SORCS1: variants seen among roughly 807,000 people sequenced by gnomAD.
SORCS1 encodes the protein sortilin related VPS10 domain containing receptor 1.
SORCS1 carries 60 observed loss-of-function variants against 146.1 expected under a neutral mutation model. The observed-to-expected ratio is 0.41, with a 90% CI of 0.33 to 0.51. SORCS1 has a LOEUF of 0.51. SORCS1 is among the 20% of genes least tolerant of loss of function. SORCS1 has a pLI of 0.21. For missense variants in SORCS1, 1,352 were observed against 1,487.6 expected, an observed-to-expected ratio of 0.91 and a Z score of 1.50; for synonymous variants, 637 against 584.0, an observed-to-expected ratio of 1.09 and a Z score of -1.31.
intron 2 of SORCS1, among the ~76,000 whole-genome samples, chr10:106,835,174 G>A (rs2418829): frequency 0.017 from 2,556 of 151,914 alleles, 67 homozygotes; most frequent in African/African-American, 0.057. Flanking sequence ...CTCCTATCAC[G>A]CTTGAAAAAA....
intron 2 of SORCS1, among the ~76,000 whole-genome samples, chr10:106,869,262 A>G (rs994049641): frequency 1.3e-5 from 2 of 152,234 alleles, no homozygotes; most frequent in Admixed American, 6.5e-5. Context: ...TACCAGATAT[A>G]CAAGTAAGAG....
intron 19 of SORCS1, among the ~76,000 whole-genome samples, chr10:106,625,077 T>C (rs886218182): frequency 1.3e-5 from 2 of 152,196 alleles, no homozygotes; most frequent in African/African-American, 2.4e-5. Context: ...TGAATCTTCC[T>C]GGAAAGGTGG....
intron 1 of SORCS1, among the ~76,000 whole-genome samples, chr10:107,006,249 A>G (rs1368153431): frequency 2.0e-5 from 3 of 152,186 alleles, no homozygotes; most frequent in East Asian, 3.8e-4. Context: ...CTCTTAACCT[A>G]TATCCTTGTG....
chr10:106,992,681 G>C (rs1391327328), intron 1 of SORCS1, among the ~76,000 whole-genome samples: 2 of 151,782 alleles, frequency 1.3e-5, no homozygotes, highest in Non-Finnish European at 2.9e-5. Context: ...AAAAGTTGTA[G>C]AGATGGGATC....
chr10:106,705,811 GC>G (rs1854476507), intron 8 of SORCS1, among the ~76,000 whole-genome samples: 2 of 152,176 alleles, frequency 1.3e-5, no homozygotes. Context: ...TGGAAAGACA[GC>G]CTGGGGATGT....
At chr10:107,102,197 C>T (rs1356703659) in intron 1 of SORCS1, among the ~76,000 whole-genome samples, 2 of 152,090 alleles carry the variant, frequency 1.3e-5, no homozygotes, top group Non-Finnish European at 2.9e-5. Flanking sequence ...ATTTTAAGGA[C>T]TTGTCATTAT....
intron 1 of SORCS1, among the ~76,000 whole-genome samples, chr10:107,152,436 T>C (rs1371587919): frequency 6.6e-6 from 1 of 152,042 alleles, no homozygotes; most frequent in East Asian, 1.9e-4. Context: ...ACCGACAACT[T>C]GTTCCATGCA....
intron 2 of SORCS1, among the ~76,000 whole-genome samples, chr10:106,858,491 G>A (rs1332705120): frequency 6.6e-6 from 1 of 151,206 alleles, no homozygotes; most frequent in East Asian, 2.0e-4. Context: ...GTGGTGGCAG[G>A]CACCTGTAGT....
intron 1 of SORCS1, among the ~76,000 whole-genome samples, chr10:107,003,394 T>G (rs1290718694): frequency 6.6e-6 from 1 of 151,916 alleles, no homozygotes; most frequent in Non-Finnish European, 1.5e-5. Flanking sequence ...AGTATGCATG[T>G]GTTGTGTGTA....
intron 1 of SORCS1, among the ~76,000 whole-genome samples, chr10:107,025,562 C>T (rs927773722): frequency 6.6e-6 from 1 of 152,110 alleles, no homozygotes; most frequent in Non-Finnish European, 1.5e-5. Context: ...GAAGATGAAG[C>T]AAATCAGATA....
intron 24 of SORCS1, among the ~76,000 whole-genome samples, chr10:106,581,213 C>T (rs575371378): frequency 1.3e-5 from 2 of 152,082 alleles, no homozygotes; most frequent in South Asian, 2.1e-4. Flanking sequence ...GACTATGATC[C>T]CCATTAAACA....
chr10:106,966,990 TAAAAC>T (rs761399307), intron 1 of SORCS1, among the ~76,000 whole-genome samples: 1 of 152,224 alleles, frequency 6.6e-6, no homozygotes, highest in Non-Finnish European at 1.5e-5. Context: ...ATTCAGTAAA[TAAAAC>T]TAAACTTGTC....
chr10:106,832,211 C>T lies in SORCS1; in HGVS notation c.627-2538G>A, dbSNP rs541959797. 2.1e-3 allele frequency among the ~76,000 whole-genome samples: 270 copies of T among 131,510 alleles called. 2 individuals are homozygous for T. Among genetic ancestry groups the T allele is most frequent in the East Asian group, 0.012 (48 of 4,024 alleles). The allele number at this position is 131,510 out of a possible 152,430, so 86.3% of individuals were successfully genotyped here. A position where few individuals can be genotyped will look rare whatever the true frequency, so the allele number is the denominator to read the frequency against. On this transcript the variant is annotated intron_variant, in intron 2 of 25. Transcript: ENST00000263054. ...TTTTTTTTTTTTTTCTTTTTTGAGA[C>T]GGAGTCTCACTCTGTCACCCAGGCT...
chr10:106,908,754 T>C (rs1051922378), intron 2 of SORCS1, among the ~76,000 whole-genome samples: 2 of 152,150 alleles, frequency 1.3e-5, no homozygotes, highest in Non-Finnish European at 2.9e-5. Context: ...GAAACTACCC[T>C]ACGTGAGCAG....
intron 1 of SORCS1, among the ~76,000 whole-genome samples, chr10:107,114,488 A>G (rs1277725145): frequency 1.3e-5 from 2 of 152,194 alleles, no homozygotes; most frequent in East Asian, 3.8e-4. Flanking sequence ...GCACTACTTT[A>G]AAAGAACAAA....
upstream of SORCS1, among the ~76,000 whole-genome samples, chr10:107,168,201 C>A (rs1970094318): frequency 6.6e-6 from 1 of 152,148 alleles, no homozygotes; most frequent in African/African-American, 2.4e-5. Context: ...TTCCGCCTGC[C>A]TAGAACGTCC....
chr10:107,079,045 G>A (rs1963116255), intron 1 of SORCS1, among the ~76,000 whole-genome samples: 1 of 152,146 alleles, frequency 6.6e-6, no homozygotes, highest in Admixed American at 6.5e-5. Flanking sequence ...CTAACGTGGT[G>A]AAACCACGTC....
At chr10:107,157,494 T>C (rs911444284) in intron 1 of SORCS1, among the ~76,000 whole-genome samples, 4 of 152,194 alleles carry the variant, frequency 2.6e-5, no homozygotes, top group Non-Finnish European at 1.5e-5. Flanking sequence ...GTAATGGAAG[T>C]AATGTGTCGA....
In SORCS1 at chr10:106,772,822, C is replaced by T. The variant is rs183538322; in HGVS notation, c.885+3712G>A. Among the ~76,000 whole-genome samples, 19 of 152,164 alleles carry T rather than the reference C, an allele frequency of 1.2e-4. No individual in the cohort carries two copies. In the East Asian group the frequency reaches 2.3e-3, roughly 19 times the overall value. On this transcript the variant is annotated intron_variant, in intron 4 of 25. Coordinates refer to ENST00000263054, the MANE Select transcript of SORCS1 (RefSeq NM_052918.5). Reference sequence around the variant, plus strand: ...AAAAGCCTCCACTGGGATTTAGGCACCCAAAATGAAACACAATTAGAGCAG... The same window carrying T: ...AAAAGCCTCCACTGGGATTTAGGCATCCAAAATGAAACACAATTAGAGCAG...
Sources: gnomAD v4.1 joint callset for allele counts (sites outside exome capture counted in the v4.1 genomes callset) on GRCh38, gnomAD v4.1.1 for gene constraint, MANE v1.5 for transcripts, NCBI Gene and HGNC (gene_info 2026-07-23, HGNC 2026-07-21) for gene names.